The following HEATR5B variants were observed in gnomAD, a reference collection of about 807,000 sequenced individuals.
HEATR5B encodes HEAT repeat containing 5B.
HEATR5B carries 156 observed loss-of-function variants against 224.1 expected under a neutral mutation model. The observed-to-expected ratio is 0.70, with a 90% CI of 0.61 to 0.80. The LOEUF (loss-of-function observed/expected upper bound fraction) is 0.80, where lower values mean the gene tolerates loss of function less well. Ranked by LOEUF, HEATR5B falls within the 30% of genes least tolerant of loss-of-function variation. HEATR5B has a pLI of 0.00. For synonymous variants in HEATR5B, 1,027 were observed against 893.0 expected, an observed-to-expected ratio of 1.15 and a Z score of -2.68; for missense variants, 2,323 against 2,535.5, an observed-to-expected ratio of 0.92 and a Z score of 1.80.
intron 14 of HEATR5B, 64 bp from the exon 15 acceptor site, chr2:37,057,544 C>A: frequency 9.4e-7 from 1 of 1,067,802 alleles, no homozygotes; most frequent in Non-Finnish European, 1.4e-6. Flanking sequence ...TAATCATTGC[C>A]CACAAAGAGC....
chr2:37,000,145 T>G (rs1289574798), intron 33 of HEATR5B, among the ~76,000 whole-genome samples: 1 of 152,000 alleles, frequency 6.6e-6, no homozygotes, highest in Non-Finnish European at 1.5e-5. Flanking sequence ...TGGTGTGATC[T>G]TGGCTCACCG....
At chr2:37,042,688 T>C (rs961661349) in intron 18 of HEATR5B, among the ~76,000 whole-genome samples, 2 of 152,030 alleles carry the variant, frequency 1.3e-5, no homozygotes, top group Non-Finnish European at 2.9e-5. Context: ...GGTCAGGAGT[T>C]CATGACCAGC....
intron 18 of HEATR5B, among the ~76,000 whole-genome samples, chr2:37,045,829 T>C (rs1216562021): frequency 1.3e-5 from 2 of 152,358 alleles, no homozygotes; most frequent in Middle Eastern, 3.4e-3. Flanking sequence ...ATCTTTAGTG[T>C]TCCCTTTGTT....
chr2:37,077,006 A>G lies in HEATR5B; in HGVS notation c.352T>C (p.Cys118Arg), dbSNP rs1672276479. ...YLPTKLAAVACVGAFYEKMGR... is the reference protein window; with the variant it reads ...YLPTKLAAVARVGAFYEKMGR... ...ATTTTTTCATAAAATGCTCCGACAC[A>G]AGCCACCGCAGCCCTGTAAGAAGTG... Residue 118 changes from cysteine (C) to arginine (R), a missense_variant, in exon 4 of 36, where the codon TGT (cysteine) becomes CGT (arginine). This residue lies in a region of HEATR5B where 292 missense variants were observed against 332.6 expected (regional missense o/e 0.88). Transcript: ENST00000233099. The G allele has an allele frequency of 6.2e-7, 1 of 1,613,808 alleles. No homozygotes were observed. The highest frequency in any genetic ancestry group is 8.5e-7 in the Non-Finnish European group (1 of 1,179,706).
At chr2:37,008,928 G>C (rs1667607177) in intron 27 of HEATR5B, 80 bp from the exon 28 acceptor site, 3 of 944,822 alleles carry the variant, frequency 3.2e-6, no homozygotes, top group Non-Finnish European at 4.8e-6. Context: ...TAAAAATACA[G>C]TTAAATCATC....
chr2:37,073,057 A>G (rs961889078), intron 5 of HEATR5B, among the ~76,000 whole-genome samples: 3 of 152,190 alleles, frequency 2.0e-5, no homozygotes, highest in African/African-American at 7.2e-5. Flanking sequence ...TTCTATACCA[A>G]CTCTTCCAGA....
chr2:37,064,673 C>A, intron 10 of HEATR5B, 67 bp downstream of exon 10: 1 of 1,537,708 alleles, frequency 6.5e-7, no homozygotes. Context: ...ACACTAAACA[C>A]AGCAGCGTTC....
At chr2:37,021,249 G>C (rs1304394630) in intron 24 of HEATR5B, among the ~76,000 whole-genome samples, 1 of 152,194 alleles carries the variant, frequency 6.6e-6, no homozygotes. Flanking sequence ...CTTGGGAACT[G>C]AGTCTTGCAA....
intron 18 of HEATR5B, among the ~76,000 whole-genome samples, chr2:37,042,374 A>T (rs1371390949): frequency 1.3e-5 from 2 of 152,228 alleles, no homozygotes; most frequent in African/African-American, 4.8e-5. Flanking sequence ...AATATATCTG[A>T]ACAGGACCTA....
intron 16 of HEATR5B, among the ~76,000 whole-genome samples, chr2:37,055,306 T>C (rs1289017084): frequency 6.6e-6 from 1 of 151,892 alleles, no homozygotes; most frequent in Non-Finnish European, 1.5e-5. Flanking sequence ...ATATTTTTAA[T>C]AGAATTTATT....
At chr2:37,075,725 G>C in intron 4 of HEATR5B, 91 bp from the exon 5 acceptor site, 1 of 800,900 alleles carries the variant, frequency 1.2e-6, no homozygotes, top group Non-Finnish European at 1.9e-6. Context: ...TGGGTCTAAT[G>C]GTCTTACCTC....
At chr2:37,032,175 T>G (rs1283078142) in intron 22 of HEATR5B, among the ~76,000 whole-genome samples, 1 of 152,202 alleles carries the variant, frequency 6.6e-6, no homozygotes, top group Non-Finnish European at 1.5e-5. Context: ...GCAGAAATAT[T>G]CTGATACTAA....
intron 33 of HEATR5B, among the ~76,000 whole-genome samples, chr2:36,997,708 A>G (rs1488279761): frequency 2.0e-5 from 3 of 151,980 alleles, no homozygotes; most frequent in Non-Finnish European, 2.9e-5. Context: ...CTGGGACTAC[A>G]GGCGCCCGCC....
intron 21 of HEATR5B, among the ~76,000 whole-genome samples, chr2:37,035,026 C>T (rs980614181): frequency 8.5e-5 from 13 of 152,138 alleles, no homozygotes; most frequent in Admixed American, 6.5e-4. Flanking sequence ...GGACAATATC[C>T]AATCCACCCA....
intron 20 of HEATR5B, among the ~76,000 whole-genome samples, 181 bp downstream of exon 20, chr2:37,040,148 T>C (rs926307850): frequency 3.3e-5 from 5 of 152,240 alleles, no homozygotes; most frequent in Admixed American, 6.5e-5. Flanking sequence ...AGGTTTCTTG[T>C]AGGGATTAAG....
intron 35 of HEATR5B, among the ~76,000 whole-genome samples, chr2:36,988,220 T>C (rs1666076169): frequency 6.6e-6 from 1 of 151,510 alleles, no homozygotes; most frequent in Non-Finnish European, 1.5e-5. Context: ...AAGAAAAAAA[T>C]CAACTCACTA....
intron 22 of HEATR5B, among the ~76,000 whole-genome samples, chr2:37,031,123 G>T (rs992515226): frequency 1.3e-5 from 2 of 152,172 alleles, no homozygotes; most frequent in African/African-American, 2.4e-5. Context: ...GCTGGGTTGC[G>T]ATCTCTATGA....
chr2:37,031,853 T>C (rs770126973), intron 22 of HEATR5B, among the ~76,000 whole-genome samples: 12 of 151,924 alleles, frequency 7.9e-5, no homozygotes, highest in Admixed American at 2.6e-4. Flanking sequence ...TCTTAAAAAG[T>C]TTCCAAACCA....
chr2:36,996,623 C>G (rs1159806143), intron 33 of HEATR5B, among the ~76,000 whole-genome samples: 1 of 151,884 alleles, frequency 6.6e-6, no homozygotes, highest in Non-Finnish European at 1.5e-5. Context: ...CAGAGTTTTG[C>G]TCTTGTTGCC....
Sources: gnomAD v4.1 joint callset for allele counts (sites outside exome capture counted in the v4.1 genomes callset) on GRCh38, gnomAD v4.1.1 for gene constraint, gnomAD v4.1.1 regional missense constraint, MANE v1.5 for transcripts, NCBI Gene and HGNC (gene_info 2026-07-23, HGNC 2026-07-21) for gene names.